The following SLC9A9 variants were observed in gnomAD, a reference collection of about 807,000 sequenced individuals.
SLC9A9 encodes solute carrier family 9 member A9.
In SLC9A9, 62 loss-of-function variants were observed where a neutral mutation model predicts 77.8. That is an observed-to-expected ratio of 0.80 (90% CI 0.65 to 0.98). The LOEUF is 0.98. Among genes scored for constraint, SLC9A9 ranks in the 50% least tolerant of loss-of-function variants. The pLI is 0.00. For missense variants in SLC9A9, 775 were observed against 774.9 expected (o/e 1.00, Z 0.00); for synonymous variants, 320 against 283.5 (o/e 1.13, Z -1.29).
chr3:143,616,060 T>G (rs1457738899), intron 6 of SLC9A9, among the ~76,000 whole-genome samples: 1 of 151,978 alleles, frequency 6.6e-6, no homozygotes, highest in East Asian at 1.9e-4. Flanking sequence ...TTTTTTGGTA[T>G]TTTTCGTAGA....
intron 12 of SLC9A9, among the ~76,000 whole-genome samples, chr3:143,440,083 G>A (rs2034700167): frequency 6.6e-6 from 1 of 152,204 alleles, no homozygotes; most frequent in African/African-American, 2.4e-5. Context: ...TGTGCTTACA[G>A]CAGGAAAGGG....
intron 4 of SLC9A9, among the ~76,000 whole-genome samples, chr3:143,762,387 A>G (rs1309132275): frequency 1.3e-5 from 2 of 152,182 alleles, no homozygotes; most frequent in African/African-American, 2.4e-5. Context: ...ATCTAAATAC[A>G]TCTTTTCTTT....
intron 10 of SLC9A9, among the ~76,000 whole-genome samples, chr3:143,494,989 TAA>T (rs1243471344): frequency 6.6e-6 from 1 of 152,258 alleles, no homozygotes; most frequent in African/African-American, 2.4e-5. Flanking sequence ...TAATGCAGAT[TAA>T]GTCTGTTTCT....
chr3:143,387,834 G>A (rs1020575758), intron 12 of SLC9A9, among the ~76,000 whole-genome samples: 2 of 151,514 alleles, frequency 1.3e-5, no homozygotes, highest in Admixed American at 6.6e-5. Flanking sequence ...GGGAAAGCAA[G>A]GTAACTAACA....
At chr3:143,798,739 T>G (rs1345129890) in intron 2 of SLC9A9, among the ~76,000 whole-genome samples, 2 of 152,190 alleles carry the variant, frequency 1.3e-5, no homozygotes, top group Non-Finnish European at 1.5e-5. Context: ...GCAAATGGTC[T>G]GAGGTGCATG....
intron 13 of SLC9A9, among the ~76,000 whole-genome samples, chr3:143,366,083 T>G (rs1430897156): frequency 6.6e-6 from 1 of 152,202 alleles, no homozygotes. Context: ...AATTTTTGTT[T>G]GTTTTTAATG....
intron 14 of SLC9A9, among the ~76,000 whole-genome samples, chr3:143,270,887 G>A (rs58459840): frequency 0.33 from 49,800 of 152,086 alleles, 9,958 homozygotes; most frequent in African/African-American, 0.56. Flanking sequence ...TTTATGGTTT[G>A]ACTTTTTATG....
At chr3:143,724,696 A>G (rs1332168954) in intron 4 of SLC9A9, among the ~76,000 whole-genome samples, 1 of 152,250 alleles carries the variant, frequency 6.6e-6, no homozygotes, top group Non-Finnish European at 1.5e-5. Context: ...CAAAACTACA[A>G]TGATTGCTTC....
At chr3:143,804,655 C>T (rs567912391) in intron 2 of SLC9A9, among the ~76,000 whole-genome samples, 3 of 152,314 alleles carry the variant, frequency 2.0e-5, no homozygotes, top group Admixed American at 6.5e-5. Flanking sequence ...TTTCCTTACT[C>T]CCAAAATTCA....
intron 6 of SLC9A9, chr3:143,627,528 C>A: frequency 3.4e-6 from 1 of 292,360 alleles, no homozygotes. Flanking sequence ...CATGCAGAGG[C>A]GGTGACTCGC....
intron 14 of SLC9A9, among the ~76,000 whole-genome samples, chr3:143,279,156 A>AT (rs11452808): frequency 0.25 from 38,377 of 152,046 alleles, 9,516 homozygotes; most frequent in African/African-American, 0.65. Context: ...TGTTCATAAC[A>AT]TTCTTCTTCT....
chr3:143,791,439 C>T (rs193255984), intron 4 of SLC9A9, among the ~76,000 whole-genome samples: 54 of 152,316 alleles, frequency 3.5e-4, no homozygotes, highest in African/African-American at 1.3e-3. Flanking sequence ...TCACAGCCCA[C>T]CAGTAGAGTT....
intron 14 of SLC9A9, among the ~76,000 whole-genome samples, chr3:143,284,141 T>A (rs962081066): frequency 2.6e-5 from 4 of 151,766 alleles, no homozygotes; most frequent in African/African-American, 9.7e-5. Flanking sequence ...AGAGAAAGCA[T>A]CGAGTCGTTA....
chr3:143,826,259 G>A (rs7651282), intron 2 of SLC9A9, among the ~76,000 whole-genome samples: 121,703 of 148,842 alleles, frequency 0.82, 53,231 homozygotes, highest in South Asian at 0.97. Context: ...ACTCTGTCTT[G>A]AAAAAAAAAA....
At chr3:143,843,324 A>G (rs2009752533) in intron 1 of SLC9A9, among the ~76,000 whole-genome samples, 1 of 152,194 alleles carries the variant, frequency 6.6e-6, no homozygotes, top group Non-Finnish European at 1.5e-5. Context: ...CTAGGAAGAA[A>G]TTAATGCCTG....
chr3:143,316,606 A>G (rs565990479), intron 14 of SLC9A9, among the ~76,000 whole-genome samples: 1 of 152,278 alleles, frequency 6.6e-6, no homozygotes, highest in African/African-American at 2.4e-5. Flanking sequence ...TGATGTTAAG[A>G]AGATACCTTC....
chr3:143,657,636 G>T (rs1375732902), intron 5 of SLC9A9, among the ~76,000 whole-genome samples: 3 of 152,194 alleles, frequency 2.0e-5, no homozygotes, highest in Non-Finnish European at 4.4e-5. Flanking sequence ...ATTGAATGCA[G>T]AAGCAAGATA....
rs187526189 is a variant in SLC9A9 at position 143,311,216 on chromosome 3, G to C, written c.1605-42236C>G. 1.6e-4 allele frequency among the ~76,000 whole-genome samples: 24 copies of C among 152,314 alleles called. No individual in the cohort carries two copies. In the East Asian group the frequency reaches 4.6e-3, roughly 29 times the overall value. On this transcript the variant is annotated intron_variant, in intron 14 of 15. Transcript: ENST00000316549. Reference sequence around the variant, plus strand: ...GACCAGGACTCCTCTTAGCTGCCCAGCATCTCTCTATTGGGTAAGAGTGTT... The same window carrying C: ...GACCAGGACTCCTCTTAGCTGCCCACCATCTCTCTATTGGGTAAGAGTGTT...
intron 11 of SLC9A9, among the ~76,000 whole-genome samples, chr3:143,471,211 G>T (rs1020921994): frequency 1.3e-5 from 2 of 152,158 alleles, no homozygotes; most frequent in Non-Finnish European, 2.9e-5. Context: ...TGAGGCTGCC[G>T]GGTGGACAAA....
Sources: gnomAD v4.1 joint callset for allele counts (sites outside exome capture counted in the v4.1 genomes callset) on GRCh38, gnomAD v4.1.1 for gene constraint, MANE v1.5 for transcripts, NCBI Gene and HGNC (gene_info 2026-07-23, HGNC 2026-07-21) for gene names.